MYOCD: variants seen among roughly 807,000 people sequenced by gnomAD.
MYOCD encodes myocardin.
In MYOCD, 32 loss-of-function variants were observed where a neutral mutation model predicts 96.1. The observed-to-expected ratio is 0.33, with a 90% CI of 0.25 to 0.45. The LOEUF (loss-of-function observed/expected upper bound fraction) is 0.45, where lower values mean the gene tolerates loss of function less well. Ranked by LOEUF, MYOCD falls within the 20% of genes least tolerant of loss-of-function variation. The probability of loss-of-function intolerance (pLI) is 1.00; values close to 1 mark genes in which losing one functional copy is unlikely to be tolerated. For synonymous variants in MYOCD, 469 were observed against 469.0 expected (o/e 1.00, Z 0.00); for missense variants, 1,133 against 1,200.6 (o/e 0.94, Z 0.83).
At chr17:12,688,450 C>CTCCT (rs377696717) in intron 1 of MYOCD, among the ~76,000 whole-genome samples, 6 of 151,714 alleles carry the variant, frequency 4.0e-5, no homozygotes, top group South Asian at 2.1e-4. Context: ...TTCCTTCCAT[C>CTCCT]TCCTTCCTTC....
rs184484815 is a variant in MYOCD at position 12,705,424 on chromosome 17, G to A, written c.121+231G>A. 3.3e-3 allele frequency: 1,403 copies of A among 420,426 alleles called. 2 individuals are homozygous for A. Among genetic ancestry groups the A allele is most frequent in the Non-Finnish European group, 4.7e-3 (1,123 of 236,524 alleles). The allele number at this position is 420,426 out of a possible 1,614,324, so 26.0% of individuals were successfully genotyped here. A position where few individuals can be genotyped will look rare whatever the true frequency, so the allele number is the denominator to read the frequency against. On this transcript the variant is annotated intron_variant, in intron 2 of 13. Coordinates refer to ENST00000425538, the MANE Select transcript of MYOCD (RefSeq NM_001146312.3). ...TGGTTATGCCTAAAATTCCAATGTA[G>A]TGGATTTGTTCTCAGGGTAAACACA...
At chr17:12,693,850 C>T (rs2150660017) in intron 1 of MYOCD, among the ~76,000 whole-genome samples, 1 of 151,886 alleles carries the variant, frequency 6.6e-6, no homozygotes, top group East Asian at 1.9e-4. Context: ...ATTCTGATGA[C>T]AATGGCCAAA....
At chr17:12,739,116 G>T in intron 6 of MYOCD, 87 bp from the exon 7 acceptor site, 1 of 1,430,712 alleles carries the variant, frequency 7.0e-7, no homozygotes. Context: ...GATGAAAGCA[G>T]CAGAGGTATA....
chr17:12,702,580 TA>T (rs1354313166), intron 1 of MYOCD, among the ~76,000 whole-genome samples: 4 of 152,042 alleles, frequency 2.6e-5, no homozygotes, highest in Admixed American at 6.5e-5. Flanking sequence ...TCTACCATTA[TA>T]TTACTTGTTT....
chr17:12,742,277 T>C (rs1056273106), intron 7 of MYOCD, among the ~76,000 whole-genome samples: 1 of 152,168 alleles, frequency 6.6e-6, no homozygotes, highest in African/African-American at 2.4e-5. Context: ...CATTATTCAT[T>C]AGTCGCCAGG....
At chr17:12,760,530 TG>T in intron 12 of MYOCD, 119 bp from the exon 13 acceptor site, 4 of 782,412 alleles carry the variant, frequency 5.1e-6, no homozygotes, top group Non-Finnish European at 8.8e-6. Context: ...TTGCCACAAT[TG>T]GAAAAAAAAA....
intron 1 of MYOCD, among the ~76,000 whole-genome samples, chr17:12,691,837 T>C (rs920799773): frequency 3.9e-5 from 6 of 152,174 alleles, no homozygotes; most frequent in African/African-American, 1.4e-4. Flanking sequence ...TGGCCTTGGA[T>C]GAGCTTTTAT....
At chr17:12,735,818 G>C (rs2032323313) in intron 5 of MYOCD, among the ~76,000 whole-genome samples, 1 of 152,196 alleles carries the variant, frequency 6.6e-6, no homozygotes, top group Middle Eastern at 3.4e-3. Flanking sequence ...TTTTCCTCTG[G>C]CCTCATTCTG....
At chr17:12,686,852 G>C (rs1023739808) in intron 1 of MYOCD, among the ~76,000 whole-genome samples, 2 of 152,204 alleles carry the variant, frequency 1.3e-5, no homozygotes, top group Non-Finnish European at 2.9e-5. Flanking sequence ...TCCTGGATTT[G>C]AGAGCTTTCC....
chr17:12,677,434 C>T (rs1238011252), intron 1 of MYOCD, among the ~76,000 whole-genome samples: 1 of 152,066 alleles, frequency 6.6e-6, no homozygotes, highest in Non-Finnish European at 1.5e-5. Context: ...ACTTATAGGC[C>T]GGGCACAGTG....
intron 2 of MYOCD, among the ~76,000 whole-genome samples, chr17:12,715,244 C>A (rs78925337): frequency 0.016 from 2,459 of 152,238 alleles, 49 homozygotes; most frequent in African/African-American, 0.056. Context: ...CTATTTCCTC[C>A]GGAACTTGGA....
intron 6 of MYOCD, 82 bp downstream of exon 6, chr17:12,736,418 A>T: frequency 7.0e-7 from 1 of 1,430,938 alleles, no homozygotes; most frequent in Non-Finnish European, 9.5e-7. Flanking sequence ...CAACACTGTT[A>T]ACAGCTGGTT....
At chr17:12,698,525 C>T (rs2030889548) in intron 1 of MYOCD, among the ~76,000 whole-genome samples, 1 of 152,118 alleles carries the variant, frequency 6.6e-6, no homozygotes, top group Non-Finnish European at 1.5e-5. Flanking sequence ...TGTATGCCAA[C>T]AGCAAGCAAT....
In MYOCD at chr17:12,764,342, C is replaced by CT. The variant is rs35076571; in HGVS notation, c.*704dup. 14,104 of 152,290 alleles carry CT rather than the reference C, an allele frequency of 0.093. 765 individuals are homozygous for CT. The highest frequency in any genetic ancestry group is 0.12 in the African/African-American group (4,931 of 41,496). The allele number at this position is 152,290 out of a possible 1,614,324, so 9.4% of individuals were successfully genotyped here. A position where few individuals can be genotyped will look rare whatever the true frequency, so the allele number is the denominator to read the frequency against. ...ACAGAACTCCACTCGGAACTTTCTT[C>CT]TTTTTTAACTAGTGGCCCAATCATT... On this transcript the variant is annotated 3_prime_UTR_variant, in exon 14 of 14. Transcript: ENST00000425538.
chr17:12,700,959 T>G (rs2031044505), intron 1 of MYOCD, among the ~76,000 whole-genome samples: 1 of 152,180 alleles, frequency 6.6e-6, no homozygotes, highest in African/African-American at 2.4e-5. Context: ...ATAAACATAT[T>G]GCTATTCAGA....
chr17:12,756,998 G>T (rs1442529715), intron 11 of MYOCD, among the ~76,000 whole-genome samples: 1 of 152,110 alleles, frequency 6.6e-6, no homozygotes, highest in Non-Finnish European at 1.5e-5. Context: ...TGACTAAAAT[G>T]GCCATATGTT....
chr17:12,751,204 C>T (rs2032843625), intron 9 of MYOCD, among the ~76,000 whole-genome samples: 2 of 151,878 alleles, frequency 1.3e-5, no homozygotes, highest in South Asian at 4.2e-4. Context: ...TTAGAACATA[C>T]AGATAAGGAG....
At chr17:12,742,254 A>G (rs912390112) in intron 7 of MYOCD, among the ~76,000 whole-genome samples, 1 of 152,164 alleles carries the variant, frequency 6.6e-6, no homozygotes, top group East Asian at 1.9e-4. Flanking sequence ...AAACACACCC[A>G]ACTACTTGTG....
intron 1 of MYOCD, among the ~76,000 whole-genome samples, chr17:12,688,733 C>T (rs141701071): frequency 2.0e-5 from 3 of 149,942 alleles, no homozygotes; most frequent in Non-Finnish European, 4.5e-5. Context: ...TCCTTCCTCT[C>T]TCTCCTTCCT....
Sources: gnomAD v4.1 joint callset for allele counts (sites outside exome capture counted in the v4.1 genomes callset) on GRCh38, gnomAD v4.1.1 for gene constraint, MANE v1.5 for transcripts, NCBI Gene and HGNC (gene_info 2026-07-23, HGNC 2026-07-21) for gene names.